SLC14A2: variants seen among roughly 807,000 people sequenced by gnomAD.
SLC14A2 encodes solute carrier family 14 member 2.
In SLC14A2, 91 loss-of-function variants were observed where a neutral mutation model predicts 104.6. The observed-to-expected ratio is 0.87, with a 90% CI of 0.73 to 1.04. SLC14A2 has a LOEUF of 1.04. Among genes scored for constraint, SLC14A2 ranks in the 50% least tolerant of loss-of-function variants. The pLI is 0.00. For missense variants in SLC14A2, 1,189 were observed against 1,156.0 expected (o/e 1.03, Z -0.41); for synonymous variants, 476 against 466.4 (o/e 1.02, Z -0.27).
chr18:45,519,442 A>C lies in SLC14A2; in HGVS notation c.-35+36120A>C, dbSNP rs1006500163. Among the ~76,000 whole-genome samples, 8 of 152,314 alleles carry C rather than the reference A, an allele frequency of 5.3e-5. No individual in the cohort carries two copies. In the South Asian group the frequency reaches 1.7e-3, roughly 32 times the overall value. On this transcript the variant is annotated intron_variant, in intron 2 of 20. Transcript: ENST00000586448. ...TTATCTGCCCATTCACAGAGTCTCCAGTGTTGGTTTTGAACTTGGATCCTC... is the reference window on the plus strand; with the variant it reads ...TTATCTGCCCATTCACAGAGTCTCCCGTGTTGGTTTTGAACTTGGATCCTC...
intron 1 of SLC14A2, among the ~76,000 whole-genome samples, chr18:45,284,238 C>T (rs1203061161): frequency 6.6e-6 from 1 of 152,176 alleles, no homozygotes; most frequent in African/African-American, 2.4e-5. Flanking sequence ...CCTGCAGAAC[C>T]AGTCCTTGTA....
At chr18:45,528,703 G>C (rs910216765) in intron 2 of SLC14A2, 1 of 151,978 alleles carries the variant, frequency 6.6e-6, no homozygotes, top group African/African-American at 2.4e-5. Context: ...TGGCACTCAA[G>C]TTACTTAGAG....
At chr18:45,327,687 C>T (rs949978991) in intron 1 of SLC14A2, among the ~76,000 whole-genome samples, 5 of 152,156 alleles carry the variant, frequency 3.3e-5, no homozygotes, top group African/African-American at 1.2e-4. Flanking sequence ...TTTCAAGGTT[C>T]GTCTACGTTG....
chr18:45,429,914 A>T (rs2086488441), intron 1 of SLC14A2, among the ~76,000 whole-genome samples: 1 of 152,178 alleles, frequency 6.6e-6, no homozygotes, highest in Admixed American at 6.6e-5. Context: ...TCCTTCCCTA[A>T]GGAATCAGAG....
At chr18:45,459,823 G>A (rs1296186626) in intron 1 of SLC14A2, among the ~76,000 whole-genome samples, 6 of 152,178 alleles carry the variant, frequency 3.9e-5, no homozygotes, top group African/African-American at 9.7e-5. Flanking sequence ...CTATAAACAC[G>A]TTGAAAGCGT....
intron 2 of SLC14A2, among the ~76,000 whole-genome samples, chr18:45,565,128 CT>C (rs879652079): frequency 3.0e-3 from 411 of 136,632 alleles, no homozygotes; most frequent in South Asian, 4.0e-3. Flanking sequence ...GCATGTGCTT[CT>C]TTTTTTTTTT....
intron 2 of SLC14A2, among the ~76,000 whole-genome samples, chr18:45,554,298 G>A (rs529339160): frequency 6.6e-6 from 1 of 152,304 alleles, no homozygotes; most frequent in South Asian, 2.1e-4. Flanking sequence ...GAGTTGGGGG[G>A]AAGAAGGGGG....
At chr18:45,200,501 G>A in the SLC14A2 span, among the ~76,000 whole-genome samples, 2 of 152,192 alleles carry the variant, frequency 1.3e-5, no homozygotes, top group Non-Finnish European at 2.9e-5. Flanking sequence ...GTGTGTATAA[G>A]TAATGTCAAT....
At chr18:45,530,482 A>G (rs1441266813) in intron 2 of SLC14A2, among the ~76,000 whole-genome samples, 2 of 152,098 alleles carry the variant, frequency 1.3e-5, no homozygotes, top group Non-Finnish European at 2.9e-5. Context: ...ATCTCATACT[A>G]TCAGCTTCAT....
chr18:45,311,149 T>C (rs915897313), intron 1 of SLC14A2, among the ~76,000 whole-genome samples: 1 of 152,104 alleles, frequency 6.6e-6, no homozygotes, highest in African/African-American at 2.4e-5. Flanking sequence ...CAGCACATAC[T>C]AAAAAGAAAT....
chr18:45,549,171 C>G (rs1381491660), intron 2 of SLC14A2, among the ~76,000 whole-genome samples: 2 of 152,246 alleles, frequency 1.3e-5, no homozygotes, highest in Non-Finnish European at 2.9e-5. Context: ...AGGGGCCTCA[C>G]CATTCCCTAG....
intron 1 of SLC14A2, among the ~76,000 whole-genome samples, chr18:45,253,854 T>A (rs1165029037): frequency 6.6e-6 from 1 of 152,256 alleles, no homozygotes; most frequent in African/African-American, 2.4e-5. Context: ...GTTTTGTTTT[T>A]ACTATAGTGT....
intron 5 of SLC14A2, among the ~76,000 whole-genome samples, chr18:45,635,207 G>C (rs966659622): frequency 1.3e-5 from 2 of 152,208 alleles, no homozygotes. Flanking sequence ...AAGGCAATTG[G>C]ATGTACAAAT....
At chr18:45,642,640 G>T (rs1226040449) in intron 8 of SLC14A2, among the ~76,000 whole-genome samples, 1 of 152,206 alleles carries the variant, frequency 6.6e-6, no homozygotes. Context: ...GGCTCCTGGG[G>T]ACTGGTTCAG....
intron 2 of SLC14A2, among the ~76,000 whole-genome samples, chr18:45,583,624 C>T (rs1180159909): frequency 1.3e-5 from 2 of 152,034 alleles, no homozygotes; most frequent in Admixed American, 6.6e-5. Context: ...AAAGAAAGCA[C>T]CCAAAACTCC....
intron 1 of SLC14A2, among the ~76,000 whole-genome samples, chr18:45,416,637 G>A (rs932407577): frequency 2.0e-5 from 3 of 152,110 alleles, no homozygotes; most frequent in Middle Eastern, 6.8e-3. Context: ...ACTATTATTG[G>A]GAAGGCTTAA....
chr18:45,664,659 A>G (rs2045984604), intron 11 of SLC14A2, among the ~76,000 whole-genome samples: 1 of 152,220 alleles, frequency 6.6e-6, no homozygotes, highest in South Asian at 2.1e-4. Context: ...CATGCTCCCC[A>G]GAAGATGCCT....
chr18:45,318,292 C>T (rs2085150155), intron 1 of SLC14A2, among the ~76,000 whole-genome samples: 1 of 152,092 alleles, frequency 6.6e-6, no homozygotes, highest in African/African-American at 2.4e-5. Context: ...CAGCCTGCTC[C>T]TTCCCTTCCA....
intron 1 of SLC14A2, among the ~76,000 whole-genome samples, chr18:45,283,447 T>G (rs2084783209): frequency 7.1e-6 from 1 of 141,202 alleles, no homozygotes; most frequent in Non-Finnish European, 1.5e-5. Flanking sequence ...TGAGAGAAAT[T>G]TCTGAACACG....
Sources: allele counts gnomAD v4.1 joint callset (sites outside exome capture counted in the v4.1 genomes callset), GRCh38; gene constraint gnomAD v4.1.1; transcripts MANE v1.5; gene names NCBI Gene and HGNC (gene_info 2026-07-23, HGNC 2026-07-21).